Variants in FAM107B observed in about 807,000 individuals in gnomAD.
The protein encoded by FAM107B is family with sequence similarity 107 member B, also known as protein FAM107B.
In FAM107B, 21 loss-of-function variants were observed where a neutral mutation model predicts 31.5. That is an observed-to-expected ratio of 0.67 (90% confidence interval 0.47 to 0.96). The LOEUF (loss-of-function observed/expected upper bound fraction) is 0.96. Among genes scored for constraint, FAM107B ranks in the 40% least tolerant of loss-of-function variants. FAM107B has a pLI of 0.00. For synonymous variants in FAM107B, 157 were observed against 141.5 expected (o/e 1.11, Z -0.78); for missense variants, 452 against 377.1 (o/e 1.20, Z -1.64).
intron 1 of FAM107B, among the ~76,000 whole-genome samples, chr10:14,717,289 G>C (rs1310226053): frequency 6.6e-6 from 1 of 152,156 alleles, no homozygotes; most frequent in African/African-American, 2.4e-5. Flanking sequence ...GCTCTCTAGA[G>C]GGACAGAACC....
chr10:14,529,229 A>AT (rs1451436686), intron 3 of FAM107B, among the ~76,000 whole-genome samples: 1 of 152,176 alleles, frequency 6.6e-6, no homozygotes, highest in African/African-American at 2.4e-5. Context: ...TCTTTCTTCT[A>AT]TTGTGTGACA....
At chr10:14,601,621 T>G (rs1224110056) in intron 2 of FAM107B, among the ~76,000 whole-genome samples, 1 of 152,076 alleles carries the variant, frequency 6.6e-6, no homozygotes, top group Admixed American at 6.5e-5. Flanking sequence ...AGTCACCTTC[T>G]CTAGGCTGAA....
At chr10:14,710,900 A>C (rs1855630493) in intron 1 of FAM107B, among the ~76,000 whole-genome samples, 1 of 151,068 alleles carries the variant, frequency 6.6e-6, no homozygotes. Flanking sequence ...AGCTAAGATT[A>C]ATTTATTATT....
chr10:14,652,588 T>C (rs1313978062), intron 2 of FAM107B, among the ~76,000 whole-genome samples: 1 of 152,168 alleles, frequency 6.6e-6, no homozygotes, highest in African/African-American at 2.4e-5. Flanking sequence ...TTAAGAGAAT[T>C]AAGTAAAAAA....
intron 2 of FAM107B, among the ~76,000 whole-genome samples, chr10:14,605,170 T>C (rs550099582): frequency 1.7e-4 from 26 of 152,362 alleles, no homozygotes; most frequent in Non-Finnish European, 3.1e-4. Flanking sequence ...ACCTGGAGAT[T>C]CACCCATTTT....
At chr10:14,757,023 G>C (rs188810938) in intron 1 of FAM107B, among the ~76,000 whole-genome samples, 6 of 152,168 alleles carry the variant, frequency 3.9e-5, no homozygotes, top group Admixed American at 6.5e-5. Flanking sequence ...GGTGGAGCAG[G>C]GAGAGGATCA....
chr10:14,560,685 C>T (rs896515283), intron 2 of FAM107B, among the ~76,000 whole-genome samples: 3 of 152,164 alleles, frequency 2.0e-5, no homozygotes, highest in East Asian at 1.9e-4. Context: ...ATTAAAAACA[C>T]GGCTGCCATC....
chr10:14,744,507 T>C (rs965118424), intron 1 of FAM107B, among the ~76,000 whole-genome samples: 6 of 152,200 alleles, frequency 3.9e-5, no homozygotes, highest in African/African-American at 1.4e-4. Context: ...CTTAGTGTTT[T>C]GAGGTATGTC....
At chr10:14,614,640 T>C (rs1428149530) in intron 2 of FAM107B, among the ~76,000 whole-genome samples, 1 of 139,922 alleles carries the variant, frequency 7.1e-6, no homozygotes, top group Non-Finnish European at 1.5e-5. Context: ...GCCATTGCAC[T>C]CCAGCCTGGG....
intron 1 of FAM107B, among the ~76,000 whole-genome samples, chr10:14,759,318 T>C (rs897061607): frequency 6.6e-6 from 1 of 152,236 alleles, no homozygotes; most frequent in Non-Finnish European, 1.5e-5. Context: ...TTATTTTTTT[T>C]AAATCTTTGT....
intron 2 of FAM107B, among the ~76,000 whole-genome samples, chr10:14,552,469 A>C (rs1046518184): frequency 1.8e-5 from 1 of 55,246 alleles, no homozygotes; most frequent in African/African-American, 4.5e-5. Context: ...ACACCCAACA[A>C]TGAAAAAAAA....
intron 2 of FAM107B, among the ~76,000 whole-genome samples, chr10:14,628,114 T>TTTTTTTTG (rs1554841909): frequency 9.7e-6 from 1 of 103,574 alleles, no homozygotes; most frequent in East Asian, 2.9e-4. Context: ...TTTTGCTGGT[T>TTTTTTTTG]TTTTTTTTTT....
intron 1 of FAM107B, among the ~76,000 whole-genome samples, chr10:14,718,573 T>C (rs1855836525): frequency 6.6e-6 from 1 of 151,860 alleles, no homozygotes; most frequent in Non-Finnish European, 1.5e-5. Context: ...GGAATTTGAA[T>C]CTCTGACCTC....
chr10:14,585,388 G>C (rs1214983046), intron 2 of FAM107B, among the ~76,000 whole-genome samples: 1 of 152,102 alleles, frequency 6.6e-6, no homozygotes, highest in African/African-American at 2.4e-5. Flanking sequence ...CCAGGCTGAT[G>C]AGTAGAAGAC....
chr10:14,651,640 G>A (rs920676521), intron 2 of FAM107B, among the ~76,000 whole-genome samples: 37 of 152,064 alleles, frequency 2.4e-4, no homozygotes, highest in Non-Finnish European at 4.6e-4. Flanking sequence ...ACACATAACC[G>A]TAAATTATGA....
At chr10:14,680,044 C>A (rs530077940) in intron 1 of FAM107B, among the ~76,000 whole-genome samples, 4 of 152,126 alleles carry the variant, frequency 2.6e-5, no homozygotes, top group Non-Finnish European at 5.9e-5. Flanking sequence ...AATAAACTCC[C>A]CTTTATATGT....
At chr10:14,579,835 A>G (rs1851577810) in intron 2 of FAM107B, among the ~76,000 whole-genome samples, 1 of 152,064 alleles carries the variant, frequency 6.6e-6, no homozygotes, top group African/African-American at 2.4e-5. Context: ...CAGCCTGGCC[A>G]ATACGGTGAA....
At chr10:14,679,492 A>T (rs1029263878) in intron 1 of FAM107B, among the ~76,000 whole-genome samples, 1 of 152,188 alleles carries the variant, frequency 6.6e-6, no homozygotes, top group Non-Finnish European at 1.5e-5. Flanking sequence ...AAACAAGGTG[A>T]TGTATGTAAA....
At chr10:14,613,146 G>GT (rs1852766120) in intron 2 of FAM107B, among the ~76,000 whole-genome samples, 1 of 151,958 alleles carries the variant, frequency 6.6e-6, no homozygotes, top group Admixed American at 6.6e-5. Context: ...TAATTTTTGT[G>GT]TTTTTAGGAG....
Sources: allele counts gnomAD v4.1 joint callset (sites outside exome capture counted in the v4.1 genomes callset), GRCh38; gene constraint gnomAD v4.1.1; transcripts MANE v1.5; gene names NCBI Gene and HGNC (gene_info 2026-07-23, HGNC 2026-07-21).